SLIT3: variants seen among roughly 807,000 people sequenced by gnomAD.
SLIT3 encodes slit homolog 3 protein.
SLIT3 carries 68 observed loss-of-function variants against 184.0 expected under a neutral mutation model. The ratio of observed to expected loss-of-function variants is 0.37; its 90% CI spans 0.30 to 0.45. The LOEUF is 0.45. SLIT3 is among the 20% of genes least tolerant of loss of function. The pLI, the probability that SLIT3 is intolerant of heterozygous loss-of-function variation, is 1.00. For missense variants in SLIT3, 1,707 were observed against 2,026.0 expected, an observed-to-expected ratio of 0.84 and a Z score of 3.02; for synonymous variants, 831 against 828.6, an observed-to-expected ratio of 1.00 and a Z score of -0.05.
intron 9 of SLIT3, among the ~76,000 whole-genome samples, chr5:168,796,418 G>T (rs778058618): frequency 5.9e-5 from 9 of 152,302 alleles, no homozygotes; most frequent in Middle Eastern, 3.4e-3. Context: ...ACAGGCATGT[G>T]GGGGAGGTGG....
intron 4 of SLIT3, among the ~76,000 whole-genome samples, chr5:168,890,280 C>A (rs1218326242): frequency 1.3e-5 from 2 of 152,166 alleles, no homozygotes; most frequent in South Asian, 2.1e-4. Flanking sequence ...TTAGCTGGGG[C>A]CCAAAATCTT....
chr5:168,917,027 T>C (rs1032197736), intron 4 of SLIT3, among the ~76,000 whole-genome samples: 2 of 152,348 alleles, frequency 1.3e-5, no homozygotes, highest in Middle Eastern at 6.8e-3. Flanking sequence ...ACATGACTAA[T>C]ATGTTCAGCT....
At chr5:168,793,907 G>A (rs184749465) in intron 10 of SLIT3, among the ~76,000 whole-genome samples, 56 of 152,266 alleles carry the variant, frequency 3.7e-4, no homozygotes, top group Non-Finnish European at 5.3e-4. Context: ...TCCTCCAGCA[G>A]GAATGCTGCC....
chr5:168,997,979 C>T (rs994038823), intron 4 of SLIT3, among the ~76,000 whole-genome samples: 1 of 152,072 alleles, frequency 6.6e-6, no homozygotes, highest in African/African-American at 2.4e-5. Context: ...CTCTACCCGC[C>T]CCATGCCCTC....
chr5:168,965,925 C>T (rs932691295), intron 4 of SLIT3, among the ~76,000 whole-genome samples: 3 of 152,182 alleles, frequency 2.0e-5, no homozygotes, highest in African/African-American at 4.8e-5. Flanking sequence ...CTTTCTAAGC[C>T]ACAAGATGGC....
chr5:168,682,546 C>T (rs754484781), intron 32 of SLIT3, among the ~76,000 whole-genome samples: 11 of 152,178 alleles, frequency 7.2e-5, no homozygotes, highest in Admixed American at 2.0e-4. Flanking sequence ...TTGGGGACCA[C>T]GCTTTGAGAA....
chr5:169,107,291 A>AG (rs1439106463), intron 4 of SLIT3, among the ~76,000 whole-genome samples: 1 of 151,994 alleles, frequency 6.6e-6, no homozygotes, highest in Non-Finnish European at 1.5e-5. Context: ...GGTGTTGGGG[A>AG]GGTGGACAGG....
intron 4 of SLIT3, among the ~76,000 whole-genome samples, chr5:169,107,011 G>A (rs1190825104): frequency 6.6e-6 from 1 of 152,242 alleles, no homozygotes; most frequent in East Asian, 1.9e-4. Context: ...GCAGCACCTG[G>A]CAGCCCCTAA....
chr5:169,054,488 C>G (rs1010512652), intron 4 of SLIT3, among the ~76,000 whole-genome samples: 1 of 152,148 alleles, frequency 6.6e-6, no homozygotes, highest in African/African-American at 2.4e-5. Context: ...AACTATTACA[C>G]CCCTCTTGTC....
intron 1 of SLIT3, among the ~76,000 whole-genome samples, chr5:169,297,809 T>G (rs541067854): frequency 6.6e-4 from 101 of 152,332 alleles, no homozygotes; most frequent in African/African-American, 2.1e-3. Flanking sequence ...GTTCAAGTCA[T>G]GTTTGTTCTC....
At chr5:168,788,082 TC>T (rs1382774541) in intron 11 of SLIT3, among the ~76,000 whole-genome samples, 1 of 152,020 alleles carries the variant, frequency 6.6e-6, no homozygotes, top group Non-Finnish European at 1.5e-5. Context: ...GAATTCCTTT[TC>T]CTACGAGACA....
chr5:168,961,617 G>A lies in SLIT3; in HGVS notation c.414-78281C>T, dbSNP rs763275591. On this transcript the variant is annotated intron_variant, in intron 4 of 35. Transcript: ENST00000519560. ...GCTTGATCTGAGAACAAGGTGAACC[G>A]GTACCAGGGAACAGAACCTTCTGTG... Among the ~76,000 whole-genome samples, 82 of 152,302 alleles carry A rather than the reference G, an allele frequency of 5.4e-4. 1 individual carries two copies. The Middle Eastern group carries it at 0.017, about 32-fold the overall frequency.
intron 33 of SLIT3, among the ~76,000 whole-genome samples, chr5:168,672,228 G>T (rs2113176574): frequency 6.6e-6 from 1 of 152,222 alleles, no homozygotes; most frequent in African/African-American, 2.4e-5. Flanking sequence ...GGGATAAGTG[G>T]TGTCCCTTCT....
At chr5:168,739,160 A>C (rs1254011418) in intron 20 of SLIT3, among the ~76,000 whole-genome samples, 4 of 152,178 alleles carry the variant, frequency 2.6e-5, no homozygotes, top group Non-Finnish European at 4.4e-5. Context: ...GAAGATCTGC[A>C]TAACTCAGTG....
intron 2 of SLIT3, among the ~76,000 whole-genome samples, chr5:169,248,283 CCT>C (rs1177255495): frequency 1.3e-5 from 2 of 152,036 alleles, no homozygotes; most frequent in Non-Finnish European, 2.9e-5. Flanking sequence ...CCTCATTTGC[CCT>C]CTTTTCTGCT....
At chr5:168,769,368 C>A (rs757907816) in intron 14 of SLIT3, among the ~76,000 whole-genome samples, 6 of 152,178 alleles carry the variant, frequency 3.9e-5, no homozygotes, top group Non-Finnish European at 8.8e-5. Context: ...ACCCTCCCTG[C>A]CTGACCTCTG....
At chr5:168,718,465 C>G (rs991229072) in intron 23 of SLIT3, among the ~76,000 whole-genome samples, 1 of 152,072 alleles carries the variant, frequency 6.6e-6, no homozygotes, top group Admixed American at 6.5e-5. Context: ...TGGGACCACA[C>G]GCATACAAGG....
Position 169,165,213 on chromosome 5 carries a change from A to T in SLIT3, c.413+28266T>A, listed in dbSNP as rs554047682. ...AAACAAGTGATGCAATTTACACAAA[A>T]GTATGAGAAACCTCAGAAGGGCTGC... On this transcript the variant is annotated intron_variant, in intron 4 of 35. Coordinates refer to ENST00000519560, the MANE Select transcript of SLIT3 (RefSeq NM_003062.4). 7.4e-4 allele frequency among the ~76,000 whole-genome samples: 113 copies of T among 152,246 alleles called. 1 individual carries two copies. The highest frequency in any genetic ancestry group is 1.4e-3 in the Non-Finnish European group (95 of 68,046).
intron 7 of SLIT3, among the ~76,000 whole-genome samples, chr5:168,821,241 C>A (rs989706737): frequency 6.6e-6 from 1 of 152,254 alleles, no homozygotes; most frequent in Non-Finnish European, 1.5e-5. Context: ...AGGCCTAACC[C>A]TGTCCCTACA....
Sources: gnomAD v4.1 joint callset for allele counts (sites outside exome capture counted in the v4.1 genomes callset) on GRCh38, gnomAD v4.1.1 for gene constraint, MANE v1.5 for transcripts, NCBI Gene and HGNC (gene_info 2026-07-23, HGNC 2026-07-21) for gene names.